Variants in EPHA6 observed in about 807,000 individuals in gnomAD.
The protein encoded by EPHA6 is EPH receptor A6, also known as ephrin type-A receptor 6.
In EPHA6, 50 loss-of-function variants were observed where a neutral mutation model predicts 112.0. That is an observed-to-expected ratio of 0.45 (90% CI 0.36 to 0.56). The LOEUF (loss-of-function observed/expected upper bound fraction) is 0.56, where lower values mean the gene tolerates loss of function less well. Ranked by LOEUF, EPHA6 falls within the 20% of genes least tolerant of loss-of-function variation. The pLI is 0.00. For synonymous variants in EPHA6, 529 were observed against 490.7 expected (o/e 1.08, Z -1.03); for missense variants, 1,280 against 1,417.4 (o/e 0.90, Z 1.56).
intron 5 of EPHA6, among the ~76,000 whole-genome samples, chr3:97,272,805 A>T (rs551344873): frequency 4.1e-4 from 62 of 152,188 alleles, no homozygotes; most frequent in Non-Finnish European, 7.8e-4. Flanking sequence ...GGCCATCTGG[A>T]TGTGTACGTG....
intron 3 of EPHA6, among the ~76,000 whole-genome samples, chr3:97,153,254 A>G (rs1271927135): frequency 2.0e-5 from 3 of 152,074 alleles, no homozygotes; most frequent in Admixed American, 6.6e-5. Flanking sequence ...GGTATATCAC[A>G]ATTTTTTTCA....
At chr3:96,897,504 G>A (rs1327052468) in intron 2 of EPHA6, among the ~76,000 whole-genome samples, 3 of 152,130 alleles carry the variant, frequency 2.0e-5, no homozygotes, top group African/African-American at 7.2e-5. Context: ...TTCCTAGGCT[G>A]AGTCGTCTGT....
intron 5 of EPHA6, among the ~76,000 whole-genome samples, chr3:97,265,495 C>T (rs1222095703): frequency 1.3e-5 from 2 of 152,194 alleles, no homozygotes; most frequent in Non-Finnish European, 2.9e-5. Context: ...TGTGACAGCG[C>T]CTGGGCTCAG....
intron 9 of EPHA6, chr3:97,481,410 C>G (rs1577532196): frequency 6.9e-7 from 1 of 1,445,982 alleles, no homozygotes; most frequent in East Asian, 2.3e-5. Context: ...TGGGTTTTAT[C>G]TGTTCGCCTT....
intron 3 of EPHA6, among the ~76,000 whole-genome samples, chr3:97,176,031 C>A (rs1019308805): frequency 2.6e-5 from 4 of 151,774 alleles, no homozygotes; most frequent in African/African-American, 9.7e-5. Flanking sequence ...ATGATACTAG[C>A]TTTGGTCTGT....
intron 3 of EPHA6, among the ~76,000 whole-genome samples, chr3:97,078,203 T>A (rs2046600786): frequency 6.6e-6 from 1 of 152,246 alleles, no homozygotes; most frequent in South Asian, 2.1e-4. Flanking sequence ...TTTTGAGAAG[T>A]GTCTGTTCAT....
intron 11 of EPHA6, among the ~76,000 whole-genome samples, chr3:97,574,251 T>C (rs899690502): frequency 2.6e-5 from 4 of 152,144 alleles, no homozygotes; most frequent in African/African-American, 7.2e-5. Flanking sequence ...AGCAAACATA[T>C]ATTGAGCAGC....
At chr3:96,937,925 C>T (rs189011674) in intron 2 of EPHA6, among the ~76,000 whole-genome samples, 204 of 151,850 alleles carry the variant, frequency 1.3e-3, no homozygotes, top group Middle Eastern at 0.01. Flanking sequence ...TGTAGATACG[C>T]GGCATTATTT....
chr3:97,015,794 G>A (rs573226959), intron 3 of EPHA6, among the ~76,000 whole-genome samples: 7 of 152,050 alleles, frequency 4.6e-5, no homozygotes, highest in South Asian at 2.1e-4. Flanking sequence ...CTCTGAGAGC[G>A]TTATCAAGTT....
chr3:97,062,674 T>A (rs1287220810), intron 3 of EPHA6, among the ~76,000 whole-genome samples: 2 of 152,104 alleles, frequency 1.3e-5, no homozygotes, highest in Non-Finnish European at 2.9e-5. Context: ...GAATAAGTCT[T>A]ATGAGATCTG....
In EPHA6 at chr3:97,376,227, A is replaced by G. The variant is rs192354946; in HGVS notation, c.1607-28923A>G. Among the ~76,000 whole-genome samples the G allele has an allele frequency of 2.6e-4, 39 of 152,334 alleles. No individual in the cohort carries two copies. In the East Asian group the frequency reaches 7.1e-3, roughly 28 times the overall value. On this transcript the variant is annotated intron_variant, in intron 5 of 17. Coordinates refer to ENST00000389672, the MANE Select transcript of EPHA6 (RefSeq NM_001080448.3). ...AATTTTAATAATTCACCCTAATAGTAGAGAGTTATCTCATGATAAATATAA... is the reference window on the plus strand; with the variant it reads ...AATTTTAATAATTCACCCTAATAGTGGAGAGTTATCTCATGATAAATATAA...
chr3:97,547,277 T>C (rs1393975703), intron 11 of EPHA6, among the ~76,000 whole-genome samples: 2 of 152,212 alleles, frequency 1.3e-5, no homozygotes, highest in African/African-American at 2.4e-5. Context: ...TAGTTTTCCT[T>C]CTAACAGAGA....
chr3:97,185,993 A>G (rs1026731679), intron 3 of EPHA6, among the ~76,000 whole-genome samples: 1 of 146,200 alleles, frequency 6.8e-6, no homozygotes, highest in Non-Finnish European at 1.5e-5. Context: ...GTTCTCACTC[A>G]TAGGTGGGAA....
At chr3:97,192,820 G>T (rs563214080) in intron 3 of EPHA6, among the ~76,000 whole-genome samples, 1 of 152,110 alleles carries the variant, frequency 6.6e-6, no homozygotes, top group Non-Finnish European at 1.5e-5. Context: ...AGATAGGGAT[G>T]TAGTTTCATT....
At chr3:97,706,381 A>C (rs1346745303) in intron 14 of EPHA6, among the ~76,000 whole-genome samples, 1 of 152,224 alleles carries the variant, frequency 6.6e-6, no homozygotes, top group African/African-American at 2.4e-5. Context: ...TGCACATAAA[A>C]AAGTGACAGA....
At chr3:97,126,623 C>T (rs936754735) in intron 3 of EPHA6, among the ~76,000 whole-genome samples, 1 of 151,890 alleles carries the variant, frequency 6.6e-6, no homozygotes, top group Non-Finnish European at 1.5e-5. Context: ...ATTCCCATTA[C>T]ACTAAACTTC....
At chr3:97,195,231 A>C (rs1200558386) in intron 3 of EPHA6, among the ~76,000 whole-genome samples, 1 of 116,970 alleles carries the variant, frequency 8.5e-6, no homozygotes, top group East Asian at 2.0e-4. Context: ...TTTTTGTGTA[A>C]CTGTTGTAAG....
intron 10 of EPHA6, among the ~76,000 whole-genome samples, chr3:97,501,256 A>G (rs1181031728): frequency 6.6e-6 from 1 of 152,166 alleles, no homozygotes; most frequent in Non-Finnish European, 1.5e-5. Context: ...AAAAAATTCT[A>G]TCTGATGAAT....
At chr3:97,458,067 CAAAAAAAAAAAAA>C (rs68128372) in intron 7 of EPHA6, among the ~76,000 whole-genome samples, 21 of 50,588 alleles carry the variant, frequency 4.2e-4, no homozygotes, top group Non-Finnish European at 6.8e-4. Context: ...GACTCCGTCT[CAAAAAAAAAAAAA>C]AAAAAAAAAA....
Sources: allele counts gnomAD v4.1 joint callset (sites outside exome capture counted in the v4.1 genomes callset), GRCh38; gene constraint gnomAD v4.1.1; transcripts MANE v1.5; gene names NCBI Gene and HGNC (gene_info 2026-07-23, HGNC 2026-07-21).